Variants in PCDHGA3 observed in about 807,000 individuals in gnomAD.
The protein encoded by PCDHGA3 is protocadherin gamma-A3.
PCDHGA3 carries 40 observed loss-of-function variants against 58.5 expected under a neutral mutation model. The observed-to-expected ratio is 0.68, with a 90% CI of 0.53 to 0.89. PCDHGA3 has a LOEUF of 0.89. Ranked by LOEUF, PCDHGA3 falls within the 40% of genes least tolerant of loss-of-function variation. The pLI is 0.00. For synonymous variants in PCDHGA3, 530 were observed against 525.7 expected (o/e 1.01, Z -0.11); for missense variants, 1,223 against 1,195.9 (o/e 1.02, Z -0.33).
chr5:141,503,608 A>AAAAAAAG (rs1483073868), intron 2 of PCDHGA3, among the ~76,000 whole-genome samples: 1 of 151,994 alleles, frequency 6.6e-6, no homozygotes, highest in East Asian at 1.9e-4. Flanking sequence ...CAAAAAAAAA[A>AAAAAAAG]AAAAAAGAAA....
chr5:141,401,586 A>G (rs1174763520), intron 1 of PCDHGA3, among the ~76,000 whole-genome samples: 2 of 152,228 alleles, frequency 1.3e-5, no homozygotes, highest in Admixed American at 1.3e-4. Context: ...ATCCTGACAT[A>G]TTCTTGAAGA....
intron 1 of PCDHGA3, chr5:141,360,135 G>A (rs1200093111): frequency 1.3e-6 from 2 of 1,592,246 alleles, no homozygotes; most frequent in Admixed American, 3.5e-5. Context: ...GGAGCCAGAA[G>A]ATGAAAGCGA....
At chr5:141,500,488 C>A (rs569168291) in intron 2 of PCDHGA3, among the ~76,000 whole-genome samples, 2 of 152,060 alleles carry the variant, frequency 1.3e-5, no homozygotes, top group East Asian at 3.9e-4. Flanking sequence ...GGATTACAGG[C>A]GTGAGCCACC....
intron 1 of PCDHGA3, chr5:141,364,231 C>G: frequency 7.2e-7 from 1 of 1,392,330 alleles, no homozygotes; most frequent in Non-Finnish European, 9.6e-7. Flanking sequence ...CAACGCTCCA[C>G]GCCCATTTTC....
At chr5:141,360,759 T>C in intron 1 of PCDHGA3, 1 of 1,613,928 alleles carries the variant, frequency 6.2e-7, no homozygotes, top group Non-Finnish European at 8.5e-7. Context: ...ACAGTTTACA[T>C]CAATTGGTCC....
chr5:141,404,772 G>T, intron 1 of PCDHGA3: 2 of 1,613,820 alleles, frequency 1.2e-6, no homozygotes, highest in African/African-American at 1.3e-5. Flanking sequence ...CTCTCCTACC[G>T]CCTATTCAAG....
intron 2 of PCDHGA3, among the ~76,000 whole-genome samples, chr5:141,503,010 A>ATT (rs199924715): frequency 4.8e-5 from 7 of 146,772 alleles, no homozygotes; most frequent in East Asian, 2.0e-4. Context: ...TGCCCGGTTA[A>ATT]TTTTTTTTTT....
chr5:141,494,037 T>C (rs2099751443), intron 1 of PCDHGA3, among the ~76,000 whole-genome samples: 1 of 152,146 alleles, frequency 6.6e-6, no homozygotes, highest in South Asian at 2.1e-4. Context: ...GAGACTTAGT[T>C]GGCCCTGCTT....
At chr5:141,474,044 T>A (rs1442885504) in intron 1 of PCDHGA3, among the ~76,000 whole-genome samples, 3 of 152,162 alleles carry the variant, frequency 2.0e-5, no homozygotes. Context: ...TACTCCAGCC[T>A]GGATGACAGA....
At chr5:141,347,541 C>A (rs529535883) in intron 1 of PCDHGA3, among the ~76,000 whole-genome samples, 1 of 152,120 alleles carries the variant, frequency 6.6e-6, no homozygotes, top group African/African-American at 2.4e-5. Context: ...AATCCCAGCA[C>A]TTTGGGAGGC....
At chr5:141,473,212 C>G (rs1311953997) in intron 1 of PCDHGA3, among the ~76,000 whole-genome samples, 1 of 152,012 alleles carries the variant, frequency 6.6e-6, no homozygotes, top group Non-Finnish European at 1.5e-5. Flanking sequence ...AAAATGCTTA[C>G]TTCCAGGGAG....
chr5:141,399,776 A>T, intron 1 of PCDHGA3: 1 of 1,613,218 alleles, frequency 6.2e-7, no homozygotes, highest in African/African-American at 1.3e-5. Context: ...TTGGTGGGCG[A>T]CCGAAACGAC....
chr5:141,346,356 T>A lies in PCDHGA3; in HGVS notation c.2323T>A (p.Tyr775Asn), dbSNP rs147497475. ...KSHLIFPQPN[Y>N]ADTLISQESC... ...CCACCTGATTTTCCCCCAGCCCAACTATGCGGACACGCTCATCAGCCAGGA... is the reference window on the plus strand; with the variant it reads ...CCACCTGATTTTCCCCCAGCCCAACAATGCGGACACGCTCATCAGCCAGGA... Residue 775 changes from tyrosine (Y) to asparagine (N), a missense_variant, in exon 1 of 4, where the codon TAT becomes AAT. By Grantham distance (143) the Tyr-to-Asn change is moderately radical (BLOSUM62 -2). This residue lies in a region of PCDHGA3 where 325 missense variants were observed against 327.5 expected (regional missense o/e 0.99). Transcript: ENST00000253812. The A allele has an allele frequency of 6.2e-7, 1 of 1,614,176 alleles. No individual in the cohort carries two copies. Among genetic ancestry groups the A allele is most frequent in the Admixed American group, 1.7e-5 (1 of 60,024 alleles).
chr5:141,452,463 G>A (rs2098741767), intron 1 of PCDHGA3, among the ~76,000 whole-genome samples: 1 of 152,160 alleles, frequency 6.6e-6, no homozygotes, highest in African/African-American at 2.4e-5. Flanking sequence ...AGCAGACGGA[G>A]CTAGGAAAAA....
At chr5:141,506,787 G>A (rs55775963) in intron 3 of PCDHGA3, among the ~76,000 whole-genome samples, 1,925 of 152,270 alleles carry the variant, frequency 0.013, 43 homozygotes, top group African/African-American at 0.044. Flanking sequence ...CTTATAAGGA[G>A]GCTGGCAGAG....
intron 1 of PCDHGA3, among the ~76,000 whole-genome samples, chr5:141,452,522 A>G (rs924248463): frequency 6.6e-6 from 1 of 152,310 alleles, no homozygotes; most frequent in African/African-American, 2.4e-5. Context: ...CTCCCTCAAA[A>G]TCGTGAGTTC....
intron 1 of PCDHGA3, chr5:141,388,977 G>A (rs1299469066): frequency 6.2e-7 from 1 of 1,613,990 alleles, no homozygotes; most frequent in African/African-American, 1.3e-5. Context: ...AACACATATT[G>A]CTTTGCTCAA....
At chr5:141,391,607 A>G (rs1436377162) in intron 1 of PCDHGA3, 1 of 152,212 alleles carries the variant, frequency 6.6e-6, no homozygotes, top group Non-Finnish European at 1.5e-5. Flanking sequence ...TTCAGATTTC[A>G]TGAGTGGTTT....
At chr5:141,403,978 C>T (rs965753943) in intron 1 of PCDHGA3, 2 of 1,613,714 alleles carry the variant, frequency 1.2e-6, no homozygotes, top group African/African-American at 2.7e-5. Context: ...ATGTAAATGA[C>T]AATAGACCTG....
Sources: gnomAD v4.1 joint callset for allele counts (sites outside exome capture counted in the v4.1 genomes callset) on GRCh38, gnomAD v4.1.1 for gene constraint, gnomAD v4.1.1 regional missense constraint, MANE v1.5 for transcripts, NCBI Gene and HGNC (gene_info 2026-07-23, HGNC 2026-07-21) for gene names.